The following GPR50 variants were observed in gnomAD, a reference collection of about 807,000 sequenced individuals.
The protein encoded by GPR50 is melatonin-related receptor.
In GPR50, 1 loss-of-function variant was observed where a neutral mutation model predicts 2.6. The observed-to-expected ratio is 0.38, with a 90% confidence interval of 0.13 to 1.79. The LOEUF (loss-of-function observed/expected upper bound fraction) is 1.79, where lower values mean the gene tolerates loss of function less well. Ranked by LOEUF, GPR50 falls within the 40% of genes most tolerant of loss-of-function variation. The pLI is 0.33. For missense variants in GPR50, 535 were observed against 522.1 expected (o/e 1.02, Z -0.24); for synonymous variants, 233 against 202.3 (o/e 1.15, Z -1.29).
Position 151,179,805 on chromosome X carries a change from T to C in GPR50, c.222T>C (p.Asp74=), listed in dbSNP as rs1240304918. ...NIFVVSLSVA[D]MLVAIYPYPL... ...TCGTGGTCAGTCTCTCTGTGGCCGA[T>C]ATGCTGGTGGCCATCTACCCATACC... Residue 74 remains aspartate, a synonymous_variant, in exon 2 of 2, where the codon GAT becomes GAC. Coordinates refer to ENST00000218316, the MANE Select transcript of GPR50 (RefSeq NM_004224.3). 8.4e-7 allele frequency: 1 copy of C among 1,189,407 alleles called. No individual in the cohort carries two copies. Among genetic ancestry groups the C allele is most frequent in the African/African-American group, 1.8e-5 (1 of 56,486 alleles).
At chrX:151,181,628 T>C (rs1027520841), downstream of GPR50, among the ~76,000 whole-genome samples, 8 of 112,233 alleles carry the variant, frequency 7.1e-5, no homozygotes, top group African/African-American at 2.3e-4. Flanking sequence ...CGTGGGTGTG[T>C]GTGTGCTTGC....
In GPR50 at chrX:151,181,071, C is replaced by G. The variant is rs759587259; in HGVS notation, c.1488C>G (p.Thr496=). The G allele has an allele frequency of 3.4e-6, 4 of 1,192,469 alleles. No homozygotes were observed. Among genetic ancestry groups the G allele is most frequent in the Admixed American group, 4.6e-5 (2 of 43,348 alleles). ...CCAAGTCTGCCTTCAGTGCTGCCAC[C>G]AGCCACCCTAAACCCACCACTGGCC... ...SHSKSAFSAA[T]SHPKPTTGHI... Residue 496 remains threonine (T), a synonymous_variant, in exon 2 of 2, where the codon ACC becomes ACG. Coordinates refer to ENST00000218316, the MANE Select transcript of GPR50 (RefSeq NM_004224.3).
downstream of GPR50, among the ~76,000 whole-genome samples, chrX:151,182,200 C>T (rs901780835): frequency 9.0e-6 from 1 of 111,487 alleles, no homozygotes; most frequent in African/African-American, 3.3e-5. Context: ...GACGTTTTTA[C>T]CTTATTTGTA....
rs2048703064 is a variant in GPR50 at position 151,180,136 on chromosome X, A to G, written c.553A>G (p.Asn185Asp). The G allele has an allele frequency of 1.7e-6, 2 of 1,207,997 alleles. No homozygotes were observed. The highest frequency in any genetic ancestry group is 2.2e-6 in the Non-Finnish European group (2 of 894,822). ...CACCTGCATCTTCAACTATCTGAACAACCCTGTCTTCACTGTTACCATCGT... is the reference window on the plus strand; with the variant it reads ...CACCTGCATCTTCAACTATCTGAACGACCCTGTCTTCACTGTTACCATCGT... ...TYTCIFNYLN[N>D]PVFTVTIVCI... Residue 185 changes from asparagine (N) to aspartate (D), a missense_variant, in exon 2 of 2, where the codon AAC becomes GAC. Asn to Asp is a conservative substitution (Grantham distance 23). Coordinates refer to ENST00000218316, the MANE Select transcript of GPR50 (RefSeq NM_004224.3).
At chrX:151,179,266 G>A (rs1031551140) in intron 1 of GPR50, among the ~76,000 whole-genome samples, 2 of 110,536 alleles carry the variant, frequency 1.8e-5, no homozygotes, top group Non-Finnish European at 3.8e-5. Context: ...CCTTTTCTCA[G>A]AATCTTCTCT....
chrX:151,180,280 G>T lies in GPR50; in HGVS notation c.697G>T (p.Val233Phe), dbSNP rs749023791. 7 of 1,208,995 alleles carry T rather than the reference G, an allele frequency of 5.8e-6. No homozygotes were observed. Among genetic ancestry groups the T allele is most frequent in the Non-Finnish European group, 7.8e-6 (7 of 895,287 alleles). The change falls in exon 2 of 2, where the codon GTT (valine) becomes TTT (phenylalanine). Residue 233 changes from valine (V) to phenylalanine (F), a missense_variant. Physicochemically the swap from Val to Phe is conservative, Grantham distance 50. Coordinates refer to ENST00000218316, the MANE Select transcript of GPR50 (RefSeq NM_004224.3). ...GAATCCTGACAACCAACTTGCTGAG[G>T]TTCGCAATTTTCTAACCATGTTTGT... ...GQNPDNQLAE[V>F]RNFLTMFVIF...
chrX:151,180,525 C>T lies in GPR50; in HGVS notation c.942C>T (p.His314=), dbSNP rs760209320. The part of the protein sequence containing the change: ...EYWTIFHAMR[H]PIIFFSGLIS... ...GGACCATCTTCCATGCTATGCGGCA[C>T]CCTATCATATTCTTCTCTGGCCTCA... The change falls in exon 2 of 2, where the codon CAC becomes CAT. Residue 314 remains histidine (H), a synonymous_variant. Transcript: ENST00000218316. The T allele has an allele frequency of 6.6e-6, 8 of 1,211,376 alleles. No homozygotes were observed. Among genetic ancestry groups the T allele is most frequent in the Non-Finnish European group, 8.9e-6 (8 of 895,341 alleles).
intron 1 of GPR50, among the ~76,000 whole-genome samples, chrX:151,179,126 A>G (rs1008528960): frequency 1.0e-5 from 1 of 96,955 alleles, no homozygotes; most frequent in Non-Finnish European, 2.0e-5. Context: ...TAAATTTTAC[A>G]GGGCTTCCCT....
rs754798475 is a variant in GPR50, at chrX:151,180,452, A to G, written c.869A>G (p.Asn290Ser). ...ATAGCCTACTTCAACAGCTGCCTCA[A>G]CGCTGTGATCTACGGGCTCCTCAAT... is the stretch of plus-strand genomic sequence containing the variant. Reference protein sequence around the residue: ...YFIAYFNSCLNAVIYGLLNEN... With the variant: ...YFIAYFNSCLSAVIYGLLNEN... Residue 290 changes from asparagine to serine, a missense_variant, in exon 2 of 2, where the codon AAC becomes AGC. Transcript: ENST00000218316. 12 of 1,208,486 alleles carry G rather than the reference A, an allele frequency of 9.9e-6. No homozygotes were observed. Among genetic ancestry groups the G allele is most frequent in the Non-Finnish European group, 1.1e-6 (1 of 894,368 alleles).
chrX:151,181,145 C>G lies in GPR50; in HGVS notation c.1562C>G (p.Pro521Arg), dbSNP rs766691601. ...GCTGAGCCCACCACTGCTGACTATC[C>G]CAAGCCTGCCACTACCAGCCACCCT... Reference protein sequence around the residue: ...SHAEPTTADYPKPATTSHPKP... With the variant: ...SHAEPTTADYRKPATTSHPKP... Residue 521 changes from proline (P) to arginine (R), a missense_variant, in exon 2 of 2, where the codon CCC (proline) becomes CGC (arginine). By Grantham distance (103) the Pro-to-Arg change is moderately radical (BLOSUM62 -2). Coordinates refer to ENST00000218316, the MANE Select transcript of GPR50 (RefSeq NM_004224.3). 8 of 1,207,824 alleles carry G rather than the reference C, an allele frequency of 6.6e-6. No individual in the cohort carries two copies. Among genetic ancestry groups the G allele is most frequent in the Non-Finnish European group, 8.9e-6 (8 of 894,060 alleles).
rs753060369 is a variant in GPR50, at chrX:151,180,115, T to C, written c.532T>C (p.Cys178Arg). ...CGAGTACGATCCTCGCACCTACACC[T>C]GCATCTTCAACTATCTGAACAACCC... ...TIEYDPRTYT[C>R]IFNYLNNPVF... Residue 178 changes from cysteine to arginine, a missense_variant, in exon 2 of 2, where the codon TGC (cysteine) becomes CGC (arginine). Coordinates refer to ENST00000218316, the MANE Select transcript of GPR50 (RefSeq NM_004224.3). 5.0e-5 allele frequency: 61 copies of C among 1,208,767 alleles called. No individual in the cohort carries two copies. The highest frequency in any genetic ancestry group is 6.8e-5 in the Non-Finnish European group (61 of 894,176).
At chrX:151,182,253 T>G (rs2124121764), downstream of GPR50, 1 of 111,977 alleles carries the variant, frequency 8.9e-6, no homozygotes, top group African/African-American at 3.2e-5. Flanking sequence ...TTTTTTCATT[T>G]AGTTCCAGAG....
chrX:151,181,530 C>T (rs1602729603), downstream of GPR50: 1 of 566,528 alleles, frequency 1.8e-6, no homozygotes, highest in African/African-American at 2.3e-5. Context: ...CATCTAGACA[C>T]AGACACTGAC....
At position 151,176,609 on chromosome X, in the gene GPR50, G is replaced by A. The variant is rs987601994; in HGVS notation, c.-113G>A. On this transcript the variant is annotated 5_prime_UTR_variant, in exon 1 of 2. Transcript: ENST00000218316. ...GCTGTCATTTGCTCTCTGACTCTCA[G>A]AGAGGGAGGCACGCTTTCCTGGAGC... The A allele has an allele frequency of 2.1e-6, 1 of 486,498 alleles. No homozygotes were observed. The highest frequency in any genetic ancestry group is 3.7e-5 in the South Asian group (1 of 27,107). The allele number at this position is 486,498 out of a possible 1,213,427, so 40.1% of individuals were successfully genotyped here.
downstream of GPR50, among the ~76,000 whole-genome samples, chrX:151,181,703 A>G (rs922831062): frequency 3.6e-5 from 4 of 111,534 alleles, no homozygotes; most frequent in African/African-American, 9.8e-5. Context: ...CTTTCCAACT[A>G]TGGTCGACCT....
At chrX:151,177,234 T>C in intron 1 of GPR50, 1 of 172,208 alleles carries the variant, frequency 5.8e-6, no homozygotes, top group Non-Finnish European at 1.1e-5. Flanking sequence ...AGTCAGGCGA[T>C]TCGCCCGGGG....
chrX:151,176,834 C>T lies in GPR50; in HGVS notation c.113C>T (p.Thr38Ile), dbSNP rs189225995. Residue 38 changes from threonine (T) to isoleucine (I), a missense_variant, in exon 1 of 2, where the codon ACC (threonine) becomes ATC (isoleucine). By Grantham distance (89) the Thr-to-Ile change is moderately conservative. Coordinates refer to ENST00000218316, the MANE Select transcript of GPR50 (RefSeq NM_004224.3). Reference protein sequence around the residue: ...IIFMFCAMVITIVVDLIGNSM... With the variant: ...IIFMFCAMVIIIVVDLIGNSM... ...TTTATGTTCTGCGCGATGGTTATCA[C>T]CATCGTTGTAGACCTAATCGGCAAC... The T allele has an allele frequency of 1.3e-5, 16 of 1,203,584 alleles. No individual in the cohort carries two copies. In the East Asian group the frequency reaches 3.9e-4, roughly 29 times the overall value.
In GPR50 at chrX:151,180,679, C is replaced by T. The variant is rs200814649; in HGVS notation, c.1096C>T (p.Arg366Trp). Residue 366 changes from arginine (R) to tryptophan (W), a missense_variant, in exon 2 of 2, where the codon CGG (arginine) becomes TGG (tryptophan). Coordinates refer to ENST00000218316, the MANE Select transcript of GPR50 (RefSeq NM_004224.3). ...PAVEETPMNV[R>W]NVPLPGDAAA... ...TGTGGAGGAAACCCCGATGAATGTC[C>T]GGAATGTTCCATTACCTGGTGATGC... 1.1e-4 allele frequency: 132 copies of T among 1,209,604 alleles called. 1 individual carries two copies. Among genetic ancestry groups the T allele is most frequent in the Middle Eastern group, 2.3e-4 (1 of 4,354 alleles).
At position 151,180,366 on chromosome X, in the gene GPR50, T is replaced by G. The variant is rs752087419; in HGVS notation, c.783T>G (p.Ala261=). 7 of 1,210,926 alleles carry G rather than the reference T, an allele frequency of 5.8e-6. No individual in the cohort carries two copies. Among genetic ancestry groups the G allele is most frequent in the Admixed American group, 2.2e-5 (1 of 46,042 alleles). ...TCAACGTGCTCACTGTCTTGGTGGCTGTCAGTCCGAAGGAGATGGCAGGCA... is the reference window on the plus strand; with the variant it reads ...TCAACGTGCTCACTGTCTTGGTGGCGGTCAGTCCGAAGGAGATGGCAGGCA... The part of the protein sequence containing the change: ...CPINVLTVLV[A]VSPKEMAGKI... The change falls in exon 2 of 2, where the codon GCT becomes GCG. Residue 261 remains alanine (A), a synonymous_variant. Transcript: ENST00000218316.
Sources: allele counts gnomAD v4.1 joint callset (sites outside exome capture counted in the v4.1 genomes callset), GRCh38; gene constraint gnomAD v4.1.1; transcripts MANE v1.5; gene names NCBI Gene and HGNC (gene_info 2026-07-23, HGNC 2026-07-21).